ERICH3: variants seen among roughly 807,000 people sequenced by gnomAD.
ERICH3 encodes the protein glutamate rich 3.
ERICH3 carries 126 observed loss-of-function variants against 131.1 expected under a neutral mutation model. The observed-to-expected ratio is 0.96, with a 90% confidence interval of 0.83 to 1.11. The LOEUF (loss-of-function observed/expected upper bound fraction) is 1.11, where lower values mean the gene tolerates loss of function less well. Ranked by LOEUF, ERICH3 falls within the 50% of genes most tolerant of loss-of-function variation. The pLI is 0.00. For missense variants in ERICH3, 2,050 were observed against 1,810.7 expected (o/e 1.13, Z -2.40); for synonymous variants, 695 against 644.6 (o/e 1.08, Z -1.18).
intron 8 of ERICH3, among the ~76,000 whole-genome samples, chr1:74,613,721 C>T (rs868569125): frequency 3.3e-5 from 5 of 152,124 alleles, no homozygotes; most frequent in Admixed American, 1.3e-4. Context: ...TTAATCATTC[C>T]AAGTCTTTAT....
rs1647487820 is a variant in ERICH3, at chr1:74,589,626, C to T, written c.2176+5G>A. ...ATGGCAGCTCAACTCAACGGCCATA[C>T]TTACCACCTTCCTCCAACCCAGGGA... On this transcript the variant is annotated splice_donor_5th_base_variant and intron_variant, in intron 12 of 14. Coordinates refer to ENST00000326665, the MANE Select transcript of ERICH3 (RefSeq NM_001002912.5). 6.2e-7 allele frequency: 1 copy of T among 1,613,058 alleles called. No individual in the cohort carries two copies. The highest frequency in any genetic ancestry group is 8.5e-7 in the Non-Finnish European group (1 of 1,179,388).
At chr1:74,651,281 C>T (rs1256687523) in intron 1 of ERICH3, among the ~76,000 whole-genome samples, 1 of 152,092 alleles carries the variant, frequency 6.6e-6, no homozygotes, top group Non-Finnish European at 1.5e-5. Flanking sequence ...AGTTTAATTT[C>T]ATCCTCAAAA....
At chr1:74,656,108 G>C (rs1036133419) in intron 1 of ERICH3, among the ~76,000 whole-genome samples, 1 of 152,134 alleles carries the variant, frequency 6.6e-6, no homozygotes, top group Non-Finnish European at 1.5e-5. Context: ...ACATTCCCAG[G>C]CACTGAAAAA....
intron 12 of ERICH3, chr1:74,589,265 T>C (rs2100560202): frequency 2.9e-6 from 1 of 350,836 alleles, no homozygotes; most frequent in South Asian, 7.7e-5. Context: ...TGAAACTCCA[T>C]ATATAGCTAA....
chr1:74,606,805 C>T lies in ERICH3; in HGVS notation c.1285G>A (p.Gly429Arg). The change falls in exon 10 of 15, where the codon GGG becomes AGG. Residue 429 changes from glycine (G) to arginine (R), a missense_variant. Gly to Arg is a moderately radical substitution (Grantham distance 125). Coordinates refer to ENST00000326665, the MANE Select transcript of ERICH3 (RefSeq NM_001002912.5). ...EKGEELKKAE[G>R]KVRKEREYVI... is the part of the protein sequence containing the mutation. Reference sequence around the variant, plus strand: ...TACTCTCTCTCTTTCCTCACTTTCCCCTCAGCCTTCTTCAGTTCCTCTCCT... The same window carrying T: ...TACTCTCTCTCTTTCCTCACTTTCCTCTCAGCCTTCTTCAGTTCCTCTCCT... 1.2e-6 allele frequency: 2 copies of T among 1,613,262 alleles called. No homozygotes were observed. The highest frequency in any genetic ancestry group is 1.7e-6 in the Non-Finnish European group (2 of 1,179,524).
intron 11 of ERICH3, among the ~76,000 whole-genome samples, chr1:74,594,979 G>A (rs1212891685): frequency 6.6e-6 from 1 of 152,104 alleles, no homozygotes; most frequent in Non-Finnish European, 1.5e-5. Flanking sequence ...AATGATCTCA[G>A]TGACATAACC....
At chr1:74,666,347 A>G (rs1428783898) in intron 1 of ERICH3, among the ~76,000 whole-genome samples, 1 of 152,214 alleles carries the variant, frequency 6.6e-6, no homozygotes, top group Non-Finnish European at 1.5e-5. Flanking sequence ...ACACTCTTCA[A>G]TGTTCTTCAC....
chr1:74,642,080 T>A (rs939061261), intron 4 of ERICH3, among the ~76,000 whole-genome samples: 1 of 152,084 alleles, frequency 6.6e-6, no homozygotes, highest in African/African-American at 2.4e-5. Context: ...TTTCAGCAGA[T>A]AAATTACAGA....
Position 74,606,905 on chromosome 1 carries a change from A to T in ERICH3, c.1188-3T>A. On this transcript the variant is annotated splice_polypyrimidine_tract_variant and splice_region_variant and intron_variant, in intron 9 of 14. Coordinates refer to ENST00000326665, the MANE Select transcript of ERICH3 (RefSeq NM_001002912.5). ...CAAGGCCCATTGCAATAATGCACCT[A>T]TGAAAAATATTAGCAGGAAGTGTTT... The T allele has an allele frequency of 6.2e-7, 1 of 1,606,832 alleles. No individual in the cohort carries two copies. Among genetic ancestry groups the T allele is most frequent in the Non-Finnish European group, 8.5e-7 (1 of 1,176,972 alleles).
Position 74,572,811 on chromosome 1 carries a change from C to G in ERICH3, c.2899G>C (p.Glu967Gln). The change falls in exon 14 of 15, where the codon GAG (glutamate) becomes CAG (glutamine). Residue 967 changes from glutamate (E) to glutamine (Q), a missense_variant. By Grantham distance (29) the Glu-to-Gln change is conservative. Coordinates refer to ENST00000326665, the MANE Select transcript of ERICH3 (RefSeq NM_001002912.5). ...AGAATTGCCTCTTCAGAACCGTCCT[C>G]TCTCTTTGATGCTGTGTCCTCCATG... is the stretch of plus-strand genomic sequence containing the variant. ...GPMEDTASKR[E>Q]DGSEEAILGG... 1 of 1,613,896 alleles carries G rather than the reference C, an allele frequency of 6.2e-7. No homozygotes were observed. The highest frequency in any genetic ancestry group is 8.5e-7 in the Non-Finnish European group (1 of 1,180,006).
At chr1:74,631,312 A>G (rs1353685626) in intron 7 of ERICH3, among the ~76,000 whole-genome samples, 1 of 152,150 alleles carries the variant, frequency 6.6e-6, no homozygotes, top group Non-Finnish European at 1.5e-5. Flanking sequence ...ATGATACAGT[A>G]ATTTGCCATA....
chr1:74,668,520 G>C (rs983463698), intron 1 of ERICH3, among the ~76,000 whole-genome samples: 2 of 152,152 alleles, frequency 1.3e-5, no homozygotes, highest in Non-Finnish European at 2.9e-5. Context: ...GCTGTCATTT[G>C]AAAGATCATC....
intron 13 of ERICH3, among the ~76,000 whole-genome samples, chr1:74,575,324 C>T (rs1409241582): frequency 1.3e-5 from 2 of 152,192 alleles, no homozygotes; most frequent in Non-Finnish European, 2.9e-5. Context: ...TGTGATGTCT[C>T]CTTTCAAAGG....
At chr1:74,623,444 G>A (rs1649301983) in intron 7 of ERICH3, 1 of 152,182 alleles carries the variant, frequency 6.6e-6, no homozygotes, top group Non-Finnish European at 1.5e-5. Flanking sequence ...CTTGTTGATA[G>A]TGTTGGGTAA....
At chr1:74,585,955 T>A (rs1004072192) in intron 12 of ERICH3, among the ~76,000 whole-genome samples, 1 of 152,142 alleles carries the variant, frequency 6.6e-6, no homozygotes, top group Non-Finnish European at 1.5e-5. Flanking sequence ...AGGTTTTTGA[T>A]AGCATTAATC....
rs1648411115 is a variant in ERICH3 at position 74,606,701 on chromosome 1, T to A, written c.1389A>T (p.Thr463=). 6.2e-7 allele frequency: 1 copy of A among 1,613,380 alleles called. No individual in the cohort carries two copies. ...CAGCAGTTACCACTTCTTTGAGCCC[T>A]GTTTTTATTTCTTGAGCTGAAAATT... ...SAKFSAQEIK[T]GLKEVVTAVE... is the part of the protein sequence containing the mutation. The change falls in exon 10 of 15, where the codon ACA becomes ACT. Residue 463 remains threonine (T), a synonymous_variant. Coordinates refer to ENST00000326665, the MANE Select transcript of ERICH3 (RefSeq NM_001002912.5).
At chr1:74,590,672 C>T (rs1647549458) in intron 11 of ERICH3, among the ~76,000 whole-genome samples, 1 of 152,178 alleles carries the variant, frequency 6.6e-6, no homozygotes, top group South Asian at 2.1e-4. Flanking sequence ...ACTTCGCTGG[C>T]TTCCCCACCA....
At chr1:74,650,951 C>T (rs1293457949) in intron 1 of ERICH3, among the ~76,000 whole-genome samples, 2 of 150,916 alleles carry the variant, frequency 1.3e-5, no homozygotes, top group Admixed American at 6.6e-5. Flanking sequence ...GAGGCAGAGT[C>T]AGGGAGAGGC....
intron 7 of ERICH3, chr1:74,625,220 A>T (rs968343911): frequency 1.3e-5 from 2 of 152,034 alleles, no homozygotes; most frequent in Admixed American, 1.3e-4. Context: ...AATAATTTTT[A>T]AAAACCCACA....
Sources: allele counts gnomAD v4.1 joint callset (sites outside exome capture counted in the v4.1 genomes callset), GRCh38; gene constraint gnomAD v4.1.1; transcripts MANE v1.5; gene names NCBI Gene and HGNC (gene_info 2026-07-23, HGNC 2026-07-21).